SYNE3: variants seen among roughly 807,000 people sequenced by gnomAD.
SYNE3 encodes the protein spectrin repeat containing nuclear envelope family member 3.
SYNE3 carries 100 observed loss-of-function variants against 111.2 expected under a neutral mutation model. That is an observed-to-expected ratio of 0.90 (90% confidence interval 0.77 to 1.06). SYNE3 has a LOEUF of 1.06. Ranked by LOEUF, SYNE3 falls within the 50% of genes least tolerant of loss-of-function variation. The pLI is 0.00. For missense variants in SYNE3, 1,160 were observed against 1,240.3 expected (o/e 0.94, Z 0.97); for synonymous variants, 547 against 533.9 (o/e 1.02, Z -0.34).
Position 95,455,698 on chromosome 14 carries a change from GC to G in SYNE3, c.815del (p.Gly272AlafsTer34). On this transcript the variant is annotated frameshift_variant, in exon 6 of 18. Transcript: ENST00000682763. LOFTEE classifies it high-confidence loss of function. ...LQDIAKDFPR[G>X]EESLETLEEQ... The stretch of plus-strand genomic sequence containing the variant: ...CCTCCAGCGTCTCCAGAGACTCCTC[GC>G]CCCTGGGAAAATCTTTGGCAATGTC... 1 of 1,614,102 alleles carries G rather than the reference GC, an allele frequency of 6.2e-7. No homozygotes were observed.
intron 1 of SYNE3, among the ~76,000 whole-genome samples, chr14:95,504,067 G>GT (rs1890437598): frequency 6.6e-6 from 1 of 152,150 alleles, no homozygotes; most frequent in Non-Finnish European, 1.5e-5. Context: ...AGCTAAGAAT[G>GT]TTTTTTAACA....
intron 1 of SYNE3, among the ~76,000 whole-genome samples, chr14:95,510,411 G>T (rs1473214663): frequency 6.6e-6 from 1 of 152,218 alleles, no homozygotes; most frequent in Non-Finnish European, 1.5e-5. Context: ...TGGAACACAG[G>T]TCTCTTTGAG....
At position 95,467,915 on chromosome 14, in the gene SYNE3, C is replaced by T. The variant is rs754560731; in HGVS notation, c.197G>A (p.Arg66Gln). ...EGRVRVDLVL[R>Q]MAEALLACCP... is the part of the protein sequence containing the mutation. ...GCATGCCAAGAGGGCTTCAGCCATCCGTAGCACGAGGTCCACCCTCACACG... is the reference window on the plus strand; with the variant it reads ...GCATGCCAAGAGGGCTTCAGCCATCTGTAGCACGAGGTCCACCCTCACACG... Residue 66 changes from arginine to glutamine, a missense_variant, in exon 3 of 18, where the codon CGG becomes CAG. Transcript: ENST00000682763. The T allele has an allele frequency of 3.8e-5, 62 of 1,614,022 alleles. No homozygotes were observed. Among genetic ancestry groups the T allele is most frequent in the Admixed American group, 2.2e-4 (13 of 60,002 alleles).
chr14:95,514,979 G>A (rs1483427762), intron 1 of SYNE3, among the ~76,000 whole-genome samples: 1 of 152,240 alleles, frequency 6.6e-6, no homozygotes, highest in Non-Finnish European at 1.5e-5. Flanking sequence ...TTGTTCCCAT[G>A]GAGACAGACA....
Position 95,443,253 on chromosome 14 carries a change from T to C in SYNE3, c.1813A>G (p.Met605Val), listed in dbSNP as rs1886508476. 1.9e-6 allele frequency: 3 copies of C among 1,614,076 alleles called. No individual in the cohort carries two copies. Among genetic ancestry groups the C allele is most frequent in the Non-Finnish European group, 1.7e-6 (2 of 1,180,022 alleles). ...TGGACCAGAGGCCTTGCAGCCTCCA[T>C]CTGTGCCCCCAAGTCCAGCCCCTCT... The part of the protein sequence containing the change: ...QEEGLDLGAQ[M>V]EAARPLVQEN... Residue 605 changes from methionine (M) to valine (V), a missense_variant, in exon 11 of 18, where the codon ATG becomes GTG. Physicochemically the swap from Met to Val is conservative, Grantham distance 21. Coordinates refer to ENST00000682763, the MANE Select transcript of SYNE3 (RefSeq NM_152592.6).
intron 4 of SYNE3, among the ~76,000 whole-genome samples, chr14:95,458,774 C>T (rs192007008): frequency 5.1e-4 from 77 of 152,280 alleles, no homozygotes; most frequent in African/African-American, 1.8e-3. Flanking sequence ...GCCCTGTGAA[C>T]GCTTCCTGAA....
chr14:95,434,005 C>T (rs1386615173), intron 15 of SYNE3, among the ~76,000 whole-genome samples: 1 of 151,980 alleles, frequency 6.6e-6, no homozygotes, highest in Admixed American at 6.6e-5. Context: ...GGAATGTATG[C>T]TGTACAAAAA....
chr14:95,467,644 C>A, intron 3 of SYNE3, 151 bp downstream of exon 3: 2 of 887,330 alleles, frequency 2.3e-6, no homozygotes, highest in Admixed American at 2.9e-5. Flanking sequence ...TAGAAAGAGG[C>A]AGGCAGGGCT....
At chr14:95,478,688 G>A (rs1889040180) in intron 1 of SYNE3, among the ~76,000 whole-genome samples, 1 of 152,208 alleles carries the variant, frequency 6.6e-6, no homozygotes, top group Non-Finnish European at 1.5e-5. Flanking sequence ...AAAGGGTCAG[G>A]TAGAAAATGT....
rs1244781801 is a variant in SYNE3 at position 95,412,936 on chromosome 14, C to T, written c.*4890G>A. The T allele has an allele frequency of 6.6e-6, 1 of 152,192 alleles. No homozygotes were observed. Among genetic ancestry groups the T allele is most frequent in the African/African-American group, 2.4e-5 (1 of 41,442 alleles). The allele number at this position is 152,192 out of a possible 1,614,324, so 9.4% of individuals were successfully genotyped here. ...TTACCTATCCCTCATTTCCTAAAGG[C>T]CATTGAGCACCCTTGAAGTAGGAGG... On this transcript the variant is annotated 3_prime_UTR_variant, in exon 18 of 18. Coordinates refer to ENST00000682763, the MANE Select transcript of SYNE3 (RefSeq NM_152592.6).
chr14:95,466,056 C>T lies in SYNE3; in HGVS notation c.502G>A (p.Val168Met). Residue 168 changes from valine (V) to methionine (M), a missense_variant, in exon 4 of 18, where the codon GTG (valine) becomes ATG (methionine). Transcript: ENST00000682763. ...TCCTCCAGCAGCCGGTCCAGGAGCA[C>T]CGCCTGGTTGTCCACGTTGTGCAGC... Reference protein sequence around the residue: ...VLLHNVDNQAVLLDRLLEEAA... With the variant: ...VLLHNVDNQAMLLDRLLEEAA... 6.2e-7 allele frequency: 1 copy of T among 1,613,454 alleles called. No individual in the cohort carries two copies. Among genetic ancestry groups the T allele is most frequent in the Non-Finnish European group, 8.5e-7 (1 of 1,179,420 alleles).
intron 1 of SYNE3, among the ~76,000 whole-genome samples, chr14:95,477,370 G>T (rs1458797764): frequency 1.3e-5 from 2 of 152,204 alleles, no homozygotes; most frequent in African/African-American, 4.8e-5. Context: ...CCACTTGGTT[G>T]AGATGGGTAG....
At chr14:95,479,807 A>G (rs1889117879) in intron 1 of SYNE3, among the ~76,000 whole-genome samples, 1 of 152,106 alleles carries the variant, frequency 6.6e-6, no homozygotes, top group Admixed American at 6.5e-5. Context: ...CTGCCTGCTG[A>G]GGGCACCAGA....
Position 95,470,316 on chromosome 14 carries a change from A to C in SYNE3, c.145-2349T>G, listed in dbSNP as rs1888448993. ...GCTGAGGATGAATTTGTTGCCATTCAGAGAGAGATTTAATTTGATTAAAAA... is the reference window on the plus strand; with the variant it reads ...GCTGAGGATGAATTTGTTGCCATTCCGAGAGAGATTTAATTTGATTAAAAA... On this transcript the variant is annotated intron_variant, in intron 2 of 17. Transcript: ENST00000682763. This position sits in a 1 kb window ranked among gnomAD's most constrained non-coding sequence, Gnocchi z 4.2. Among the ~76,000 whole-genome samples, 1 of 152,144 alleles carries C rather than the reference A, an allele frequency of 6.6e-6. No homozygotes were observed. Among genetic ancestry groups the C allele is most frequent in the African/African-American group, 2.4e-5 (1 of 41,434 alleles).
chr14:95,453,523 C>T (rs1420480224), intron 6 of SYNE3, among the ~76,000 whole-genome samples: 4 of 152,236 alleles, frequency 2.6e-5, no homozygotes, highest in African/African-American at 9.6e-5. Context: ...CAGCCCTGTT[C>T]ATTCTCAAAA....
rs1889505825 is a variant in SYNE3, at chr14:95,485,621, C to T, written c.-14-9786G>A. On this transcript the variant is annotated intron_variant, in intron 1 of 17. Coordinates refer to ENST00000682763, the MANE Select transcript of SYNE3 (RefSeq NM_152592.6). The surrounding 1 kb of genome is among the most constrained non-coding windows in gnomAD (Gnocchi z 4.3). The stretch of plus-strand genomic sequence containing the variant: ...ATGCTCAGCGTTTTTTTCCCTCTGC[C>T]CTCACCAGGCTGTCTCCTCTCCCTC... Among the ~76,000 whole-genome samples, 1 of 152,056 alleles carries T rather than the reference C, an allele frequency of 6.6e-6. No homozygotes were observed. The highest frequency in any genetic ancestry group is 1.5e-5 in the Non-Finnish European group (1 of 67,992).
intron 1 of SYNE3, among the ~76,000 whole-genome samples, chr14:95,493,962 G>A (rs1889965593): frequency 6.6e-6 from 1 of 152,082 alleles, no homozygotes; most frequent in South Asian, 2.1e-4. Context: ...TACTGAAGCT[G>A]AGCAGTTTCA....
At chr14:95,418,351 T>A (rs12881467) in intron 17 of SYNE3, among the ~76,000 whole-genome samples, 91,647 of 152,010 alleles carry the variant, frequency 0.6, 28,209 homozygotes, top group Non-Finnish European at 0.69. Flanking sequence ...TCTGAATCTC[T>A]AGTTTCTCAT....
intron 4 of SYNE3, among the ~76,000 whole-genome samples, chr14:95,463,626 C>T (rs559515316): frequency 6.6e-6 from 1 of 152,230 alleles, no homozygotes; most frequent in Non-Finnish European, 1.5e-5. Context: ...TGAAGCCTGC[C>T]CATGCCACAC....
Sources: allele counts gnomAD v4.1 joint callset (sites outside exome capture counted in the v4.1 genomes callset), GRCh38; gene constraint gnomAD v4.1.1; non-coding constraint Gnocchi (gnomAD v3.1); transcripts MANE v1.5; gene names NCBI Gene and HGNC (gene_info 2026-07-23, HGNC 2026-07-21).